ACOT12: variants seen among roughly 807,000 people sequenced by gnomAD.
ACOT12 encodes the protein acetyl-coenzyme A thioesterase.
In ACOT12, 51 loss-of-function variants were observed where a neutral mutation model predicts 67.7. The ratio of observed to expected loss-of-function variants is 0.75; its 90% confidence interval spans 0.60 to 0.95. ACOT12 has a LOEUF of 0.95. Among genes scored for constraint, ACOT12 ranks in the 40% least tolerant of loss-of-function variants. ACOT12 has a pLI of 0.00. For missense variants in ACOT12, 734 were observed against 708.1 expected (o/e 1.04, Z -0.41); for synonymous variants, 251 against 244.6 (o/e 1.03, Z -0.24).
chr5:81,309,125 A>C, the ACOT12 span: 683 of 1,027,570 alleles, frequency 6.6e-4, 2 homozygotes, highest in Non-Finnish European at 8.8e-4. Context: ...TTCTTGAATA[A>C]ATTCTTGAAT....
the ACOT12 span, chr5:81,313,333 AAT>A: frequency 1.3e-5 from 2 of 152,186 alleles, no homozygotes; most frequent in Non-Finnish European, 2.9e-5. Context: ...TTAAAATTGA[AAT>A]ATCTCAGTTT....
Position 81,343,776 on chromosome 5 carries a change from A to G in ACOT12, c.1044+42T>C, listed in dbSNP as rs372881207. 10 of 1,597,136 alleles carry G rather than the reference A, an allele frequency of 6.3e-6. No individual in the cohort carries two copies. In the African/African-American group the frequency reaches 1.4e-4, roughly 22 times the overall value. The stretch of plus-strand genomic sequence containing the variant: ...CAAGCGGATTTCCATTTTTGTAATG[A>G]TGAGACTTTTATATGAAGAGCTCCA... On this transcript the variant is annotated intron_variant, in intron 10 of 14. Coordinates refer to ENST00000307624, the MANE Select transcript of ACOT12 (RefSeq NM_130767.3).
At chr5:81,361,977 T>C (rs964816534) in intron 4 of ACOT12, among the ~76,000 whole-genome samples, 1 of 152,200 alleles carries the variant, frequency 6.6e-6, no homozygotes, top group African/African-American at 2.4e-5. Context: ...CATGGGTCTC[T>C]TTGTGATGAG....
chr5:81,338,459 T>A (rs773096786), intron 11 of ACOT12, among the ~76,000 whole-genome samples: 1 of 152,160 alleles, frequency 6.6e-6, no homozygotes, highest in Admixed American at 6.5e-5. Flanking sequence ...GCTCTAGCCA[T>A]GTAGGACGTG....
Position 81,373,455 on chromosome 5 carries a change from C to A in ACOT12, c.198-1645G>T, listed in dbSNP as rs1331265467. 2.0e-5 allele frequency among the ~76,000 whole-genome samples: 3 copies of A among 152,190 alleles called. No homozygotes were observed. In the East Asian group the frequency reaches 5.8e-4, roughly 29 times the overall value. ...AACTGGGCGGCCATTTGGGGAGACA[C>A]CGAGCTAGCTGCAGGAGTGTTTTTT... On this transcript the variant is annotated intron_variant, in intron 2 of 14. Transcript: ENST00000307624.
At chr5:81,331,571 A>G (rs1758829970) in intron 13 of ACOT12, among the ~76,000 whole-genome samples, 1 of 152,156 alleles carries the variant, frequency 6.6e-6, no homozygotes, top group Non-Finnish European at 1.5e-5. Flanking sequence ...GTTAAAAGAA[A>G]AACTCTCAAC....
chr5:81,391,653 A>G lies in ACOT12; in HGVS notation c.127+2335T>C, dbSNP rs200364177. On this transcript the variant is annotated intron_variant, in intron 1 of 14. Transcript: ENST00000307624. Reference sequence around the variant, plus strand: ...AATCAGATTAGCATCTTCAAAGATTACTTTAGAAGCAGTGTGGAGAGGAGA... The same window carrying G: ...AATCAGATTAGCATCTTCAAAGATTGCTTTAGAAGCAGTGTGGAGAGGAGA... Among the ~76,000 whole-genome samples, 7 of 152,230 alleles carry G rather than the reference A, an allele frequency of 4.6e-5. No homozygotes were observed. The East Asian group carries it at 9.6e-4, about 21-fold the overall frequency.
chr5:81,322,491 G>A, the ACOT12 span, among the ~76,000 whole-genome samples: 1 of 150,204 alleles, frequency 6.7e-6, no homozygotes, highest in Non-Finnish European at 1.5e-5. Flanking sequence ...CCACATACAT[G>A]TTAGATAATA....
chr5:81,310,620 C>T, the ACOT12 span, among the ~76,000 whole-genome samples: 1 of 152,116 alleles, frequency 6.6e-6, no homozygotes, highest in Non-Finnish European at 1.5e-5. Context: ...TTTTAGAAAC[C>T]ACATGTGTTG....
intron 5 of ACOT12, among the ~76,000 whole-genome samples, chr5:81,349,525 A>G (rs528906605): frequency 2.0e-5 from 3 of 152,100 alleles, no homozygotes; most frequent in Admixed American, 2.0e-4. Flanking sequence ...AATTTCACTC[A>G]TACTCTGTGG....
At chr5:81,330,704 GT>G (rs1242662178) in intron 14 of ACOT12, 109 bp downstream of exon 14, 92 of 1,529,716 alleles carry the variant, frequency 6.0e-5, no homozygotes, top group Non-Finnish European at 7.8e-5. Context: ...GATTCCCATA[GT>G]GTGGACACAA....
intron 3 of ACOT12, among the ~76,000 whole-genome samples, chr5:81,370,486 C>G (rs1348113510): frequency 7.2e-5 from 11 of 152,148 alleles, no homozygotes; most frequent in Admixed American, 7.2e-4. Flanking sequence ...TGCGGTGGGG[C>G]AGGCCCCTAA....
chr5:81,364,718 C>T (rs1185141547), intron 3 of ACOT12, among the ~76,000 whole-genome samples: 1 of 152,208 alleles, frequency 6.6e-6, no homozygotes, highest in Non-Finnish European at 1.5e-5. Context: ...TGAGCCACTG[C>T]ACCTGGCCTG....
At chr5:81,357,441 A>G (rs1443751307) in intron 5 of ACOT12, among the ~76,000 whole-genome samples, 1 of 152,060 alleles carries the variant, frequency 6.6e-6, no homozygotes, top group Admixed American at 6.6e-5. Flanking sequence ...CTTGCTGCTG[A>G]GAGGGAAGGA....
At chr5:81,343,928 T>G (rs200477418) in intron 9 of ACOT12, 47 bp from the exon 10 acceptor site, 346 of 1,525,130 alleles carry the variant, frequency 2.3e-4, no homozygotes, top group Middle Eastern at 3.4e-4. Flanking sequence ...TTTCTCTGCA[T>G]TTAGCACACA....
Position 81,393,702 on chromosome 5 carries a change from T to TCAA in ACOT12, c.127+283_127+285dup, listed in dbSNP as rs138832942. ...ACCGCTCTCCAGCCCGGGAGAGAGC[T>TCAA]CAACAACAACAACAACAAACAAACA... On this transcript the variant is annotated intron_variant, in intron 1 of 14. Transcript: ENST00000307624. Among the ~76,000 whole-genome samples, 1,364 of 150,546 alleles carry TCAA rather than the reference T, an allele frequency of 9.1e-3. 27 individuals are homozygous for TCAA. Among genetic ancestry groups the TCAA allele is most frequent in the African/African-American group, 0.026 (1,029 of 40,346 alleles).
intron 12 of ACOT12, among the ~76,000 whole-genome samples, 175 bp downstream of exon 12, chr5:81,335,593 G>A (rs922397847): frequency 7.9e-5 from 12 of 152,004 alleles, no homozygotes; most frequent in South Asian, 6.2e-4. Context: ...TTGAACTCCC[G>A]GACTCAACTA....
the ACOT12 span, chr5:81,312,702 C>A: frequency 6.9e-7 from 1 of 1,454,068 alleles, no homozygotes; most frequent in Non-Finnish European, 9.6e-7. Context: ...CTCATTGTTA[C>A]TTTCTAAACC....
At chr5:81,330,971 A>G in intron 13 of ACOT12, 31 bp from the exon 14 acceptor site, 4 of 1,553,808 alleles carry the variant, frequency 2.6e-6, no homozygotes, top group Middle Eastern at 1.7e-4. Context: ...AGCTCTTGTG[A>G]GAAATAAAGA....
Sources: allele counts gnomAD v4.1 joint callset (sites outside exome capture counted in the v4.1 genomes callset), GRCh38; gene constraint gnomAD v4.1.1; transcripts MANE v1.5; gene names NCBI Gene and HGNC (gene_info 2026-07-23, HGNC 2026-07-21).